The following SPTSSB variants were observed in gnomAD, a reference collection of about 807,000 sequenced individuals.
The protein encoded by SPTSSB is androgen down regulated in mouse prostate.
In SPTSSB, 6 loss-of-function variants were observed where a neutral mutation model predicts 7.7. The ratio of observed to expected loss-of-function variants is 0.78; its 90% CI spans 0.43 to 1.54. The LOEUF is 1.54. Among genes scored for constraint, SPTSSB ranks in the 40% most tolerant of loss-of-function variants. The pLI, the probability that SPTSSB is intolerant of heterozygous loss-of-function variation, is 0.01. For missense variants in SPTSSB, 91 were observed against 93.0 expected, an observed-to-expected ratio of 0.98 and a Z score of 0.09; for synonymous variants, 28 against 29.7, an observed-to-expected ratio of 0.94 and a Z score of 0.19.
At chr3:161,363,269 A>G (rs1020128802) in intron 1 of SPTSSB, among the ~76,000 whole-genome samples, 2 of 151,604 alleles carry the variant, frequency 1.3e-5, no homozygotes, top group Admixed American at 1.3e-4. Flanking sequence ...TTCTCCATCA[A>G]TAGTATAATA....
intron 2 of SPTSSB, among the ~76,000 whole-genome samples, chr3:161,352,923 C>G (rs992352820): frequency 1.3e-5 from 2 of 152,114 alleles, no homozygotes; most frequent in African/African-American, 4.8e-5. Flanking sequence ...ATTGAAATAG[C>G]TCTTAGAAGT....
intron 2 of SPTSSB, among the ~76,000 whole-genome samples, chr3:161,355,942 A>G (rs1389833466): frequency 6.6e-6 from 1 of 152,228 alleles, no homozygotes; most frequent in African/African-American, 2.4e-5. Context: ...TATTTTTAAA[A>G]AGTTATTAAA....
In SPTSSB at chr3:161,345,177, C is replaced by G. The variant is rs1215629190; in HGVS notation, c.*916G>C. On this transcript the variant is annotated 3_prime_UTR_variant, in exon 3 of 3. Coordinates refer to ENST00000620149, the MANE Select transcript of SPTSSB (RefSeq NM_001040100.2). ...TTGTTTTGGCTCTGCAAAGGAGCCA[C>G]TATATCAAAGCATTTAACTGGAGCT... 1 of 152,606 alleles carries G rather than the reference C, an allele frequency of 6.6e-6. No individual in the cohort carries two copies. Among genetic ancestry groups the G allele is most frequent in the East Asian group, 1.9e-4 (1 of 5,194 alleles). The allele number at this position is 152,606 out of a possible 1,614,324, so 9.5% of individuals were successfully genotyped here.
At chr3:161,366,258 A>T (rs35100811) in intron 1 of SPTSSB, among the ~76,000 whole-genome samples, 2 of 152,062 alleles carry the variant, frequency 1.3e-5, no homozygotes, top group East Asian at 1.9e-4. Flanking sequence ...CTGAAAGCCC[A>T]GGCTGATGAT....
chr3:161,364,827 G>T (rs1576902350), intron 1 of SPTSSB, among the ~76,000 whole-genome samples: 1 of 152,196 alleles, frequency 6.6e-6, no homozygotes, highest in East Asian at 1.9e-4. Flanking sequence ...TGTAAGTGTG[G>T]TATTATTGCC....
intron 2 of SPTSSB, among the ~76,000 whole-genome samples, chr3:161,353,704 C>A (rs1714644964): frequency 6.6e-6 from 1 of 152,078 alleles, no homozygotes; most frequent in Non-Finnish European, 1.5e-5. Flanking sequence ...TTAAGTTTAT[C>A]TGATTAATGG....
intron 2 of SPTSSB, 128 bp downstream of exon 2, chr3:161,359,674 A>G (rs1292465779): frequency 1.1e-6 from 1 of 929,286 alleles, no homozygotes; most frequent in Non-Finnish European, 1.3e-6. Flanking sequence ...CCAATATAAT[A>G]TCTAGTGTAT....
chr3:161,357,556 T>G lies in SPTSSB; in HGVS notation c.-33+2246A>C, dbSNP rs897439334. ...AAATACTTATATTGGGATTTTGTAGTAAGTCGGATATTAGCCGCCCAAAAC... is the reference window on the plus strand; with the variant it reads ...AAATACTTATATTGGGATTTTGTAGGAAGTCGGATATTAGCCGCCCAAAAC... On this transcript the variant is annotated intron_variant, in intron 2 of 2. Transcript: ENST00000620149. Among the ~76,000 whole-genome samples the G allele has an allele frequency of 5.3e-5, 8 of 152,224 alleles. 1 individual carries two copies. The highest frequency in any genetic ancestry group is 1.9e-4 in the African/African-American group (8 of 41,450).
chr3:161,358,050 T>G (rs1476090861), intron 2 of SPTSSB, among the ~76,000 whole-genome samples: 10 of 147,294 alleles, frequency 6.8e-5, no homozygotes, highest in Non-Finnish European at 1.1e-4. Flanking sequence ...TTTTGTTTTT[T>G]TTTTTTTTTT....
chr3:161,356,555 G>A lies in SPTSSB; in HGVS notation c.-33+3247C>T, dbSNP rs114699366. 5.5e-3 allele frequency among the ~76,000 whole-genome samples: 836 copies of A among 152,220 alleles called. 11 individuals are homozygous for A. Among genetic ancestry groups the A allele is most frequent in the African/African-American group, 0.016 (667 of 41,526 alleles). On this transcript the variant is annotated intron_variant, in intron 2 of 2. Transcript: ENST00000620149. ...CCAATAGTGTTTTCTAATACTAATT[G>A]TCTGTTTTCTTTTCACTTTTTTGGG...
At chr3:161,359,661 A>G in intron 2 of SPTSSB, 141 bp downstream of exon 2, 1 of 897,676 alleles carries the variant, frequency 1.1e-6, no homozygotes, top group South Asian at 5.1e-5. Context: ...ATCATCTCAA[A>G]TGCCAATATA....
chr3:161,355,047 T>C (rs1358430800), intron 2 of SPTSSB, among the ~76,000 whole-genome samples: 2 of 152,210 alleles, frequency 1.3e-5, no homozygotes, highest in African/African-American at 4.8e-5. Context: ...GAATGGTCTA[T>C]CTTGTCTTGC....
chr3:161,347,734 A>G (rs978535681), intron 2 of SPTSSB, among the ~76,000 whole-genome samples: 2 of 151,744 alleles, frequency 1.3e-5, no homozygotes, highest in African/African-American at 4.8e-5. Flanking sequence ...TTAGCTGGGC[A>G]TGGTGGTGGG....
At chr3:161,359,112 T>C (rs1005530436) in intron 2 of SPTSSB, among the ~76,000 whole-genome samples, 1 of 152,122 alleles carries the variant, frequency 6.6e-6, no homozygotes, top group African/African-American at 2.4e-5. Context: ...ATCTAGGTGT[T>C]TTTTTTGTAA....
In SPTSSB at chr3:161,345,131, T is replaced by C. The variant is rs1410152282; in HGVS notation, c.*962A>G. On this transcript the variant is annotated 3_prime_UTR_variant, in exon 3 of 3. Coordinates refer to ENST00000620149, the MANE Select transcript of SPTSSB (RefSeq NM_001040100.2). The stretch of plus-strand genomic sequence containing the variant: ...TATATTTGTTTTAAAGATAAACAGT[T>C]TGAAGGAAATTTAATAAATCTTGTT... 1.3e-5 allele frequency: 2 copies of C among 152,632 alleles called. No homozygotes were observed. Among genetic ancestry groups the C allele is most frequent in the Admixed American group, 1.3e-4 (2 of 15,276 alleles). The allele number at this position is 152,632 out of a possible 1,614,324, so 9.5% of individuals were successfully genotyped here. A position where few individuals can be genotyped will look rare whatever the true frequency, so the allele number is the denominator to read the frequency against.
chr3:161,345,065 CTTTGGCA>C lies in SPTSSB; in HGVS notation c.*1021_*1027del, dbSNP rs1714146242. 6.6e-6 allele frequency: 1 copy of C among 152,558 alleles called. No individual in the cohort carries two copies. The highest frequency in any genetic ancestry group is 6.5e-5 in the Admixed American group (1 of 15,268). 9.5% of individuals were successfully genotyped at this position (152,558 alleles called of 1,614,324 possible). The stretch of plus-strand genomic sequence containing the variant: ...GGAAAGCAAAACTGCAAAACGTAGT[CTTTGGCA>C]TTCACATTTGCTTCAGCAGTATAAT... On this transcript the variant is annotated 3_prime_UTR_variant, in exon 3 of 3. Coordinates refer to ENST00000620149, the MANE Select transcript of SPTSSB (RefSeq NM_001040100.2).
intron 1 of SPTSSB, among the ~76,000 whole-genome samples, chr3:161,363,683 C>T (rs1715103051): frequency 6.6e-6 from 1 of 152,042 alleles, no homozygotes. Context: ...TACTTTCACA[C>T]TTGATTGTAG....
intron 1 of SPTSSB, among the ~76,000 whole-genome samples, chr3:161,369,776 C>T (rs1239548687): frequency 1.3e-5 from 2 of 151,914 alleles, no homozygotes; most frequent in Non-Finnish European, 2.9e-5. Flanking sequence ...GAGAGGGGGC[C>T]CTGCGTTAGT....
chr3:161,371,450 A>G lies in SPTSSB; in HGVS notation c.-141T>C. 1 of 985,448 alleles carries G rather than the reference A, an allele frequency of 1.0e-6. No homozygotes were observed. Among genetic ancestry groups the G allele is most frequent in the Non-Finnish European group, 1.2e-6 (1 of 829,956 alleles). The allele number at this position is 985,448 out of a possible 1,614,324, so 61.0% of individuals were successfully genotyped here. ...AGATGCTTACCTCCCAGTTGGGTGT[A>G]TCTCCCTGCGGCTTAGGTGAGCGCC... is the stretch of plus-strand genomic sequence containing the variant. On this transcript the variant is annotated 5_prime_UTR_variant, in exon 1 of 3. Coordinates refer to ENST00000620149, the MANE Select transcript of SPTSSB (RefSeq NM_001040100.2).
Sources: gnomAD v4.1 joint callset for allele counts (sites outside exome capture counted in the v4.1 genomes callset) on GRCh38, gnomAD v4.1.1 for gene constraint, MANE v1.5 for transcripts, NCBI Gene and HGNC (gene_info 2026-07-23, HGNC 2026-07-21) for gene names.